Variants in CDH13 observed in about 807,000 individuals in gnomAD.
CDH13 encodes the protein cadherin 13.
A neutral mutation model predicts 63.8 loss-of-function variants in CDH13; 24 were observed. The ratio of observed to expected loss-of-function variants is 0.38; its 90% CI spans 0.27 to 0.53. The LOEUF (loss-of-function observed/expected upper bound fraction) is 0.53. Among genes scored for constraint, CDH13 ranks in the 20% least tolerant of loss-of-function variants. The probability of loss-of-function intolerance (pLI) is 0.85; values close to 1 mark genes in which losing one functional copy is unlikely to be tolerated. For synonymous variants in CDH13, 503 were observed against 355.3 expected (o/e 1.42, Z -4.67); for missense variants, 1,049 against 903.1 (o/e 1.16, Z -2.07).
chr16:83,628,034 G>A (rs529454523), intron 8 of CDH13, among the ~76,000 whole-genome samples: 3 of 152,226 alleles, frequency 2.0e-5, no homozygotes, highest in African/African-American at 7.2e-5. Flanking sequence ...CAGTGAGGAC[G>A]ACTGGAGGTC....
At chr16:83,298,299 G>C (rs561121051) in intron 5 of CDH13, among the ~76,000 whole-genome samples, 2 of 151,972 alleles carry the variant, frequency 1.3e-5, no homozygotes, top group African/African-American at 2.4e-5. Context: ...GAAAAGGGAA[G>C]AAGTGAGGGA....
intron 2 of CDH13, among the ~76,000 whole-genome samples, chr16:82,999,555 T>G (rs1255453667): frequency 5.9e-5 from 9 of 152,058 alleles, no homozygotes; most frequent in Admixed American, 5.2e-4. Context: ...CAGAGGTGAA[T>G]TTTTTCTTAT....
intron 1 of CDH13, among the ~76,000 whole-genome samples, chr16:82,834,012 C>G (rs1597741132): frequency 6.6e-6 from 1 of 152,196 alleles, no homozygotes; most frequent in Non-Finnish European, 1.5e-5. Flanking sequence ...TGGCCCATGA[C>G]TATCTCATTT....
chr16:83,142,400 C>T (rs976092942), intron 4 of CDH13, among the ~76,000 whole-genome samples: 1 of 152,052 alleles, frequency 6.6e-6, no homozygotes, highest in Non-Finnish European at 1.5e-5. Context: ...GTCCTCAGGA[C>T]CCACCTGGGC....
chr16:82,714,714 A>T (rs1437859487), intron 1 of CDH13, among the ~76,000 whole-genome samples: 1 of 9,768 alleles, frequency 1.0e-4, no homozygotes, highest in Non-Finnish European at 1.8e-4. Context: ...ACTCCATCTA[A>T]AAAAAAAAAA....
chr16:82,880,170 T>C (rs2040650774), intron 2 of CDH13, among the ~76,000 whole-genome samples: 1 of 152,036 alleles, frequency 6.6e-6, no homozygotes, highest in Admixed American at 6.6e-5. Flanking sequence ...TCAGTCTCTT[T>C]GTATCGCCCT....
At chr16:82,779,244 G>A (rs1211926301) in intron 1 of CDH13, among the ~76,000 whole-genome samples, 1 of 152,142 alleles carries the variant, frequency 6.6e-6, no homozygotes, top group Non-Finnish European at 1.5e-5. Context: ...AGAAAACCGA[G>A]GTGTAGGGAA....
At chr16:82,875,522 C>G (rs746450120) in intron 2 of CDH13, among the ~76,000 whole-genome samples, 1 of 152,280 alleles carries the variant, frequency 6.6e-6, no homozygotes, top group East Asian at 1.9e-4. Flanking sequence ...AGAATTAGGA[C>G]AGTGCTTTTC....
At chr16:82,679,772 G>T (rs1914342486) in intron 1 of CDH13, among the ~76,000 whole-genome samples, 1 of 152,210 alleles carries the variant, frequency 6.6e-6, no homozygotes, top group African/African-American at 2.4e-5. Flanking sequence ...TCTGTTACCT[G>T]TGTAACTGAA....
intron 7 of CDH13, among the ~76,000 whole-genome samples, chr16:83,581,260 G>C (rs954592769): frequency 2.0e-5 from 3 of 152,170 alleles, no homozygotes; most frequent in African/African-American, 7.2e-5. Flanking sequence ...CCTGAGTACA[G>C]CCTCAGTATT....
chr16:82,877,555 G>T (rs1288986324), intron 2 of CDH13, among the ~76,000 whole-genome samples: 1 of 152,194 alleles, frequency 6.6e-6, no homozygotes, highest in African/African-American at 2.4e-5. Context: ...ACACTATTCT[G>T]CAGAGTGGTA....
intron 6 of CDH13, among the ~76,000 whole-genome samples, chr16:83,354,024 T>A (rs1203658977): frequency 1.3e-5 from 2 of 152,128 alleles, no homozygotes; most frequent in African/African-American, 4.8e-5. Context: ...AAAATAATAG[T>A]TTAAAGTGGC....
chr16:83,487,203 C>T (rs576041577), intron 7 of CDH13, among the ~76,000 whole-genome samples: 1 of 152,354 alleles, frequency 6.6e-6, no homozygotes, highest in African/African-American at 2.4e-5. Context: ...ATGTCACAAA[C>T]AGGTGACCCC....
intron 2 of CDH13, among the ~76,000 whole-genome samples, chr16:82,955,694 C>T (rs1158003289): frequency 2.6e-5 from 4 of 152,144 alleles, no homozygotes. Context: ...GAAAAATAAA[C>T]TTTGAAGGAA....
intron 1 of CDH13, among the ~76,000 whole-genome samples, chr16:82,854,074 A>AG (rs1396614798): frequency 6.6e-6 from 1 of 152,202 alleles, no homozygotes; most frequent in Non-Finnish European, 1.5e-5. Context: ...GGCAAGTTCA[A>AG]GCATAGATAC....
intron 6 of CDH13, among the ~76,000 whole-genome samples, chr16:83,383,936 A>G (rs546027680): frequency 6.6e-6 from 1 of 152,282 alleles, no homozygotes; most frequent in South Asian, 2.1e-4. Flanking sequence ...GAGCAATGAT[A>G]CAGACACACA....
intron 2 of CDH13, among the ~76,000 whole-genome samples, chr16:82,980,438 C>G (rs1452156846): frequency 6.6e-6 from 1 of 152,170 alleles, no homozygotes; most frequent in Non-Finnish European, 1.5e-5. Context: ...CTATCCAGAG[C>G]TGTACACAAG....
intron 3 of CDH13, among the ~76,000 whole-genome samples, chr16:83,092,659 T>C (rs567930340): frequency 2.0e-5 from 3 of 152,338 alleles, no homozygotes; most frequent in Middle Eastern, 3.4e-3. Context: ...ATCCCTCTTA[T>C]TGGCTGTACA....
At chr16:83,086,527 T>C (rs1280247542) in intron 3 of CDH13, among the ~76,000 whole-genome samples, 1 of 152,212 alleles carries the variant, frequency 6.6e-6, no homozygotes, top group East Asian at 1.9e-4. Flanking sequence ...GCGGAATCCT[T>C]GTCTTTGTTA....
Sources: gnomAD v4.1 joint callset for allele counts (sites outside exome capture counted in the v4.1 genomes callset) on GRCh38, gnomAD v4.1.1 for gene constraint, MANE v1.5 for transcripts, NCBI Gene and HGNC (gene_info 2026-07-23, HGNC 2026-07-21) for gene names.